ATP8A2: variants seen among roughly 807,000 people sequenced by gnomAD.
ATP8A2 encodes the protein ATPase phospholipid transporting 8A2.
Under a neutral mutation model 165.6 loss-of-function variants are expected in ATP8A2, and 100 were observed. That is an observed-to-expected ratio of 0.60 (90% CI 0.51 to 0.71). The LOEUF (loss-of-function observed/expected upper bound fraction) is 0.71. ATP8A2 is among the 30% of genes least tolerant of loss of function. The probability of loss-of-function intolerance (pLI) is 0.00; values close to 1 mark genes in which losing one functional copy is unlikely to be tolerated. For missense variants in ATP8A2, 1,227 were observed against 1,479.5 expected (o/e 0.83, Z 2.80); for synonymous variants, 543 against 548.8 (o/e 0.99, Z 0.15).
rs1460666865 is a variant in ATP8A2 at position 25,554,985 on chromosome 13, T to C, written c.1186-6T>C. On this transcript the variant is annotated splice_polypyrimidine_tract_variant and splice_region_variant and intron_variant, in intron 12 of 36. Coordinates refer to ENST00000381655, the MANE Select transcript of ATP8A2 (RefSeq NM_016529.6). ...GAAATCCTGTCTCTTGTTCTCTCTC[T>C]CTCAGGACACAGATATGTATTATAT... is the stretch of plus-strand genomic sequence containing the variant. 5 of 1,575,080 alleles carry C rather than the reference T, an allele frequency of 3.2e-6. No homozygotes were observed. Among genetic ancestry groups the C allele is most frequent in the Admixed American group, 1.7e-5 (1 of 59,198 alleles).
intron 24 of ATP8A2, among the ~76,000 whole-genome samples, chr13:25,654,073 G>A (rs998355564): frequency 6.6e-6 from 1 of 152,162 alleles, no homozygotes; most frequent in Admixed American, 6.5e-5. Flanking sequence ...CTCAGAAACT[G>A]TTGTTTGCCT....
intron 36 of ATP8A2, among the ~76,000 whole-genome samples, chr13:26,019,428 C>T (rs570524922): frequency 1.3e-5 from 2 of 152,326 alleles, no homozygotes; most frequent in Admixed American, 6.5e-5. Context: ...CCAGGTATCA[C>T]GTGCATTTTG....
intron 25 of ATP8A2, among the ~76,000 whole-genome samples, chr13:25,720,202 C>T (rs1349053361): frequency 8.2e-6 from 1 of 122,114 alleles, no homozygotes; most frequent in Non-Finnish European, 1.6e-5. Flanking sequence ...GAATCTCACT[C>T]TGTCGCCCAG....
At position 25,699,225 on chromosome 13, in the gene ATP8A2, G is replaced by A; in HGVS notation, c.2264G>A (p.Gly755Asp). 6.2e-7 allele frequency: 1 copy of A among 1,613,084 alleles called. No individual in the cohort carries two copies. The highest frequency in any genetic ancestry group is 8.5e-7 in the Non-Finnish European group (1 of 1,179,466). ...QHCTDLGNLL[G>D]KENDVALIID... ...TGCACTGACCTTGGGAATTTGCTGG[G>A]CAAGGAAAATGACGTGGCCCTGATC... is the stretch of plus-strand genomic sequence containing the variant. The change falls in exon 25 of 37, where the codon GGC becomes GAC. Residue 755 changes from glycine (G) to aspartate (D), a missense_variant. Physicochemically the swap from Gly to Asp is moderately conservative, Grantham distance 94. This residue lies in a region of ATP8A2 where 592 missense variants were observed against 785.6 expected (regional missense o/e 0.75). Transcript: ENST00000381655.
At chr13:25,554,948 T>C (rs746119123) in intron 12 of ATP8A2, 43 bp from the exon 13 acceptor site, 4 of 1,177,716 alleles carry the variant, frequency 3.4e-6, no homozygotes, top group Non-Finnish European at 5.0e-6. Context: ...GAATTAATGG[T>C]ATATATTTTC....
chr13:25,557,963 GTGCGATCTCGGCTCAC>G (rs1247315451), intron 13 of ATP8A2, among the ~76,000 whole-genome samples: 2 of 152,152 alleles, frequency 1.3e-5, no homozygotes, highest in African/African-American at 4.8e-5. Flanking sequence ...GATTGCAATG[GTGCGATCTCGGCTCAC>G]TGCAACCTCT....
chr13:25,384,214 GC>G (rs199783501), intron 1 of ATP8A2, among the ~76,000 whole-genome samples: 33 of 152,280 alleles, frequency 2.2e-4, no homozygotes, highest in Middle Eastern at 3.4e-3. Context: ...TTGCAGCTTA[GC>G]TATTTTTTTA....
At chr13:25,940,402 C>G (rs540932825) in intron 33 of ATP8A2, among the ~76,000 whole-genome samples, 1 of 152,174 alleles carries the variant, frequency 6.6e-6, no homozygotes, top group Admixed American at 6.5e-5. Flanking sequence ...CCTCCCTGCA[C>G]CACTTTCCCT....
intron 2 of ATP8A2, among the ~76,000 whole-genome samples, chr13:25,470,593 C>T (rs773613177): frequency 4.6e-5 from 7 of 152,174 alleles, no homozygotes; most frequent in Non-Finnish European, 7.3e-5. Flanking sequence ...ATGACCTAGC[C>T]GTTCTACTCC....
At chr13:25,472,896 C>T (rs1254107897) in intron 2 of ATP8A2, among the ~76,000 whole-genome samples, 3 of 152,170 alleles carry the variant, frequency 2.0e-5, no homozygotes, top group Non-Finnish European at 2.9e-5. Flanking sequence ...AGTTGCTCTG[C>T]GCTTGCCTTT....
intron 24 of ATP8A2, among the ~76,000 whole-genome samples, chr13:25,614,073 A>C (rs2138455420): frequency 6.6e-6 from 1 of 152,206 alleles, no homozygotes; most frequent in East Asian, 1.9e-4. Flanking sequence ...TGTAGTCTAG[A>C]TCTCTAGCAA....
intron 33 of ATP8A2, among the ~76,000 whole-genome samples, chr13:25,918,414 TG>T (rs1954330404): frequency 6.6e-6 from 1 of 152,152 alleles, no homozygotes; most frequent in Non-Finnish European, 1.5e-5. Context: ...TTGTTGATGG[TG>T]GCTCCGTTGT....
intron 35 of ATP8A2, among the ~76,000 whole-genome samples, chr13:25,976,915 G>A (rs1956056789): frequency 6.6e-6 from 1 of 152,142 alleles, no homozygotes; most frequent in Non-Finnish European, 1.5e-5. Flanking sequence ...AGCCTCCTGA[G>A]TAGCTGGGAT....
intron 24 of ATP8A2, among the ~76,000 whole-genome samples, chr13:25,662,480 T>C (rs535964429): frequency 6.6e-6 from 1 of 152,332 alleles, no homozygotes; most frequent in South Asian, 2.1e-4. Flanking sequence ...GCGAATATTT[T>C]TTTTCTTTAT....
chr13:25,394,070 A>T (rs1009950956), intron 1 of ATP8A2, among the ~76,000 whole-genome samples: 2 of 152,186 alleles, frequency 1.3e-5, no homozygotes, highest in African/African-American at 4.8e-5. Context: ...TGGTTGTTTT[A>T]AAAAAATGAA....
At chr13:25,464,638 C>T (rs575323814) in intron 1 of ATP8A2, among the ~76,000 whole-genome samples, 1 of 151,988 alleles carries the variant, frequency 6.6e-6, no homozygotes, top group Non-Finnish European at 1.5e-5. Flanking sequence ...AGTAACCATC[C>T]CTGGTCCAAA....
chr13:25,999,063 T>G (rs1424359599), intron 35 of ATP8A2, among the ~76,000 whole-genome samples: 1 of 152,164 alleles, frequency 6.6e-6, no homozygotes, highest in South Asian at 2.1e-4. Context: ...TGGTGAAGGA[T>G]TGAGTTGTGG....
intron 27 of ATP8A2, among the ~76,000 whole-genome samples, chr13:25,804,370 A>G (rs1181651322): frequency 1.3e-5 from 2 of 152,208 alleles, no homozygotes; most frequent in South Asian, 2.1e-4. Context: ...CTCCGCTCTG[A>G]CAGGGATGGT....
At chr13:25,802,473 C>G (rs141254453) in intron 27 of ATP8A2, among the ~76,000 whole-genome samples, 1 of 152,020 alleles carries the variant, frequency 6.6e-6, no homozygotes, top group African/African-American at 2.4e-5. Flanking sequence ...TACAGTAATC[C>G]TAAGTGAGCT....
Sources: allele counts gnomAD v4.1 joint callset (sites outside exome capture counted in the v4.1 genomes callset), GRCh38; gene constraint gnomAD v4.1.1; regional missense constraint gnomAD v4.1.1; transcripts MANE v1.5; gene names NCBI Gene and HGNC (gene_info 2026-07-23, HGNC 2026-07-21).